Variants in RAB35 observed in about 807,000 individuals in gnomAD.
RAB35 encodes ras-related protein Rab-35.
Under a neutral mutation model 28.9 loss-of-function variants are expected in RAB35, and 4 were observed. The observed-to-expected ratio is 0.14, with a 90% CI of 0.07 to 0.32. The LOEUF (loss-of-function observed/expected upper bound fraction) is 0.32, where lower values mean the gene tolerates loss of function less well. Among genes scored for constraint, RAB35 ranks in the 10% least tolerant of loss-of-function variants. The pLI is 1.00. For missense variants in RAB35, 128 were observed against 274.0 expected (o/e 0.47, Z 3.76); for synonymous variants, 99 against 105.1 (o/e 0.94, Z 0.35).
In RAB35 at chr12:120,101,849, C is replaced by T. The variant is rs556052494; in HGVS notation, c.227+1977G>A. ...TGAGTGACTCCTCCCCGCCTCCCCACGGAATGGAGGAACCAGTTCACCTTC... is the reference window on the plus strand; with the variant it reads ...TGAGTGACTCCTCCCCGCCTCCCCATGGAATGGAGGAACCAGTTCACCTTC... On this transcript the variant is annotated intron_variant, in intron 3 of 5. Coordinates refer to ENST00000229340, the MANE Select transcript of RAB35 (RefSeq NM_006861.7). Among the ~76,000 whole-genome samples the T allele has an allele frequency of 2.6e-5, 4 of 152,342 alleles. No homozygotes were observed. In the South Asian group the frequency reaches 6.2e-4, roughly 24 times the overall value.
rs1875736091 is a variant in RAB35 at position 120,103,347 on chromosome 12, C to A, written c.227+479G>T. On this transcript the variant is annotated intron_variant, in intron 3 of 5. Coordinates refer to ENST00000229340, the MANE Select transcript of RAB35 (RefSeq NM_006861.7). This position sits in a 1 kb window ranked among gnomAD's most constrained non-coding sequence, Gnocchi z 6.1. ...GTAGGGAAGGGCCTGCTGACATGCA[C>A]CGTGTTCGTCTCTAGACAGCGTCAC... 6.6e-6 allele frequency among the ~76,000 whole-genome samples: 1 copy of A among 152,172 alleles called. No homozygotes were observed. The highest frequency in any genetic ancestry group is 1.5e-5 in the Non-Finnish European group (1 of 68,034).
At chr12:120,101,751 G>A (rs1482640755) in intron 3 of RAB35, among the ~76,000 whole-genome samples, 2 of 152,192 alleles carry the variant, frequency 1.3e-5, no homozygotes, top group Non-Finnish European at 2.9e-5. Context: ...GACGGCAGCA[G>A]GGGCCCAGCC....
At chr12:120,113,951 A>C (rs1182931731) in intron 1 of RAB35, among the ~76,000 whole-genome samples, 1 of 152,236 alleles carries the variant, frequency 6.6e-6, no homozygotes, top group Non-Finnish European at 1.5e-5. Context: ...TGAAGAAAGA[A>C]ACCAGCATTC....
intron 1 of RAB35, among the ~76,000 whole-genome samples, chr12:120,111,613 G>A (rs1364211264): frequency 1.3e-5 from 2 of 151,864 alleles, no homozygotes; most frequent in Non-Finnish European, 2.9e-5. Context: ...CCCAGGAGGC[G>A]GAGGTTGCAG....
At position 120,103,059 on chromosome 12, in the gene RAB35, C is replaced by T. The variant is rs953729341; in HGVS notation, c.227+767G>A. On this transcript the variant is annotated intron_variant, in intron 3 of 5. Transcript: ENST00000229340. The surrounding 1 kb of genome is among the most constrained non-coding windows in gnomAD (Gnocchi z 6.1). ...CACCTGGCACCCTCCACATGGAAGC[C>T]AATCCCAGAGGCAGGCCCTCCAGGA... is the stretch of plus-strand genomic sequence containing the variant. Among the ~76,000 whole-genome samples, 4 of 152,236 alleles carry T rather than the reference C, an allele frequency of 2.6e-5. No homozygotes were observed. The highest frequency in any genetic ancestry group is 4.8e-5 in the African/African-American group (2 of 41,466).
chr12:120,096,474 C>T lies in RAB35; in HGVS notation c.*771G>A. ...CCATCTCTGCACGAACCTACCCCGACCTTTCTGTTGGAACTGAAACCTGTT... is the reference window on the plus strand; with the variant it reads ...CCATCTCTGCACGAACCTACCCCGATCTTTCTGTTGGAACTGAAACCTGTT... On this transcript the variant is annotated 3_prime_UTR_variant, in exon 6 of 6. Transcript: ENST00000229340. The T allele has an allele frequency of 1.6e-6, 2 of 1,289,804 alleles. No individual in the cohort carries two copies. Among genetic ancestry groups the T allele is most frequent in the South Asian group, 2.5e-5 (2 of 81,030 alleles). 79.9% of individuals were successfully genotyped at this position (1,289,804 alleles called of 1,614,324 possible).
chr12:120,113,755 C>T (rs905700162), intron 1 of RAB35, among the ~76,000 whole-genome samples: 12 of 150,234 alleles, frequency 8.0e-5, no homozygotes, highest in Admixed American at 1.3e-4. Flanking sequence ...GAGGTGGAGC[C>T]GGCAGTGAGC....
intron 3 of RAB35, 123 bp from the exon 4 acceptor site, chr12:120,099,277 T>C: frequency 7.7e-7 from 1 of 1,303,158 alleles, no homozygotes; most frequent in Non-Finnish European, 1.0e-6. Flanking sequence ...GAGCCTGGGC[T>C]CTCACTCAGC....
At chr12:120,114,180 G>A (rs937057714) in intron 1 of RAB35, among the ~76,000 whole-genome samples, 44 of 152,244 alleles carry the variant, frequency 2.9e-4, no homozygotes, top group Admixed American at 1.8e-3. Flanking sequence ...TGCAACTTCC[G>A]CCTACCAGGT....
In RAB35 at chr12:120,097,276, T is replaced by C; in HGVS notation, c.575A>G (p.Lys192Arg). The change falls in exon 6 of 6, where the codon AAG (lysine) becomes AGG (arginine). Residue 192 changes from lysine (K) to arginine (R), a missense_variant. Lys to Arg is a conservative substitution (Grantham distance 26). Transcript: ENST00000229340. Reference protein sequence around the residue: ...QQQNDVVKLTKNSKRKKRCC With the variant: ...QQQNDVVKLTRNSKRKKRCC ...GCAGCGTTTCTTTCGTTTACTGTTC[T>C]TCGTGAGCTTCACCACATCGTTCTG... is the stretch of plus-strand genomic sequence containing the variant. 4 of 1,614,072 alleles carry C rather than the reference T, an allele frequency of 2.5e-6. No homozygotes were observed. The highest frequency in any genetic ancestry group is 3.4e-6 in the Non-Finnish European group (4 of 1,180,044).
chr12:120,103,638 C>G lies in RAB35; in HGVS notation c.227+188G>C, dbSNP rs1039410806. On this transcript the variant is annotated intron_variant, in intron 3 of 5. Transcript: ENST00000229340. The surrounding 1 kb of genome is among the most constrained non-coding windows in gnomAD (Gnocchi z 6.1). ...GGTGCTCAGCGACTCCCCCACAGCA[C>G]CCCCCTCACATCTTCAGGACCAGGA... 6.6e-6 allele frequency among the ~76,000 whole-genome samples: 1 copy of G among 152,200 alleles called. No individual in the cohort carries two copies. The highest frequency in any genetic ancestry group is 2.4e-5 in the African/African-American group (1 of 41,442).
At chr12:120,098,997 C>G (rs749100083) in intron 4 of RAB35, 33 bp downstream of exon 4, 2 of 1,614,084 alleles carry the variant, frequency 1.2e-6, no homozygotes, top group Admixed American at 3.3e-5. Context: ...TCTCTCCCAC[C>G]CAACCCCGAC....
chr12:120,113,556 C>T (rs1296652988), intron 1 of RAB35, among the ~76,000 whole-genome samples: 16 of 152,140 alleles, frequency 1.1e-4, no homozygotes, highest in African/African-American at 3.4e-4. Context: ...CGGTGGCTCA[C>T]GCCTGTAATC....
intron 2 of RAB35, among the ~76,000 whole-genome samples, chr12:120,106,288 T>C (rs1379361532): frequency 6.6e-6 from 1 of 152,192 alleles, no homozygotes; most frequent in African/African-American, 2.4e-5. Context: ...AACAGAAGGT[T>C]AACAGCCAGT....
rs1875573969 is a variant in RAB35 at position 120,099,477 on chromosome 12, T to C, written c.228-323A>G. 5 of 386,706 alleles carry C rather than the reference T, an allele frequency of 1.3e-5. No individual in the cohort carries two copies. The South Asian group carries it at 1.7e-4, about 13-fold the overall frequency. The allele number at this position is 386,706 out of a possible 1,614,324, so 24.0% of individuals were successfully genotyped here. ...TTGAAACATCTTTGAAGTTCTTGCTTTATTTTGGGAAATCAGGCAGTTTTT... is the reference window on the plus strand; with the variant it reads ...TTGAAACATCTTTGAAGTTCTTGCTCTATTTTGGGAAATCAGGCAGTTTTT... On this transcript the variant is annotated intron_variant, in intron 3 of 5. Transcript: ENST00000229340.
chr12:120,104,328 C>T (rs1372533390), intron 2 of RAB35, among the ~76,000 whole-genome samples: 1 of 151,918 alleles, frequency 6.6e-6, no homozygotes, highest in Non-Finnish European at 1.5e-5. Context: ...CTTTTCTATT[C>T]AAGTCAAAAA....
At chr12:120,098,204 G>A (rs1875512240) in intron 5 of RAB35, among the ~76,000 whole-genome samples, 1 of 152,246 alleles carries the variant, frequency 6.6e-6, no homozygotes, top group African/African-American at 2.4e-5. Context: ...CTTATGACAT[G>A]ACAGATGAAA....
rs1224992181 is a variant in RAB35, at chr12:120,103,655, G to A, written c.227+171C>T. Among the ~76,000 whole-genome samples the A allele has an allele frequency of 6.6e-6, 1 of 152,184 alleles. No individual in the cohort carries two copies. Among genetic ancestry groups the A allele is most frequent in the Non-Finnish European group, 1.5e-5 (1 of 68,042 alleles). On this transcript the variant is annotated intron_variant, in intron 3 of 5. Transcript: ENST00000229340. This position sits in a 1 kb window ranked among gnomAD's most constrained non-coding sequence, Gnocchi z 6.1. ...CCACAGCACCCCCCTCACATCTTCAGGACCAGGAAGGGTGCAGCCAAACGC... is the reference window on the plus strand; with the variant it reads ...CCACAGCACCCCCCTCACATCTTCAAGACCAGGAAGGGTGCAGCCAAACGC...
At position 120,103,873 on chromosome 12, in the gene RAB35, C is replaced by G; in HGVS notation, c.180G>C (p.Gln60His). The G allele has an allele frequency of 6.2e-7, 1 of 1,614,136 alleles. No individual in the cohort carries two copies. The highest frequency in any genetic ancestry group is 8.5e-7 in the Non-Finnish European group (1 of 1,180,024). The change falls in exon 3 of 6, where the codon CAG (glutamine) becomes CAC (histidine). Residue 60 changes from glutamine to histidine, a missense_variant. Coordinates refer to ENST00000229340, the MANE Select transcript of RAB35 (RefSeq NM_006861.7). The surrounding 1 kb of genome is among the most constrained non-coding windows in gnomAD (Gnocchi z 6.1). ...GCTCCTGCCCCGCTGTGTCCCAGAT[C>G]TGCAGCTTCACCTTCTCCCCGTTGA... ...VEINGEKVKL[Q>H]IWDTAGQERF...
Sources: allele counts gnomAD v4.1 joint callset (sites outside exome capture counted in the v4.1 genomes callset), GRCh38; gene constraint gnomAD v4.1.1; non-coding constraint Gnocchi (gnomAD v3.1); transcripts MANE v1.5; gene names NCBI Gene and HGNC (gene_info 2026-07-23, HGNC 2026-07-21).